ACSM4: variants seen among roughly 807,000 people sequenced by gnomAD.
ACSM4 encodes acyl-coenzyme A synthetase ACSM4, mitochondrial.
Under a neutral mutation model 73.0 loss-of-function variants are expected in ACSM4, and 66 were observed. The observed-to-expected ratio is 0.90, with a 90% CI of 0.74 to 1.11. The LOEUF (loss-of-function observed/expected upper bound fraction) is 1.11. Among genes scored for constraint, ACSM4 ranks in the 50% least tolerant of loss-of-function variants. The pLI, the probability that ACSM4 is intolerant of heterozygous loss-of-function variation, is 0.00. For synonymous variants in ACSM4, 222 were observed against 254.0 expected (o/e 0.87, Z 1.20); for missense variants, 645 against 714.4 (o/e 0.90, Z 1.11).
intron 5 of ACSM4, among the ~76,000 whole-genome samples, chr12:7,318,891 T>TAA (rs1256660294): frequency 1.6e-4 from 25 of 152,194 alleles, no homozygotes; most frequent in African/African-American, 4.8e-5. Flanking sequence ...GACAAGATGG[T>TAA]TTAAGGCAGC....
At chr12:7,309,324 G>A (rs911568250) in intron 2 of ACSM4, among the ~76,000 whole-genome samples, 1 of 152,142 alleles carries the variant, frequency 6.6e-6, no homozygotes, top group Non-Finnish European at 1.5e-5. Context: ...CTCACATTCC[G>A]TCAATGGGCA....
chr12:7,317,101 A>C lies in ACSM4; in HGVS notation c.621-36A>C, dbSNP rs1361083787. 4 of 1,589,074 alleles carry C rather than the reference A, an allele frequency of 2.5e-6. No individual in the cohort carries two copies. In the East Asian group the frequency reaches 6.9e-5, roughly 27 times the overall value. ...AATATCAGAGTCAAACTGGTCTGCC[A>C]TCTTCCACCGCCATCTTGGGGTCCA... On this transcript the variant is annotated intron_variant, in intron 3 of 12. Coordinates refer to ENST00000399422, the MANE Select transcript of ACSM4 (RefSeq NM_001080454.2).
chr12:7,327,831 A>G (rs1326663793), intron 12 of ACSM4, among the ~76,000 whole-genome samples: 1 of 152,214 alleles, frequency 6.6e-6, no homozygotes, highest in Admixed American at 6.5e-5. Flanking sequence ...TTGAGAGAAG[A>G]GAACAAAAAG....
intron 3 of ACSM4, among the ~76,000 whole-genome samples, chr12:7,313,784 G>C (rs117963048): frequency 7.9e-5 from 12 of 152,288 alleles, no homozygotes; most frequent in Non-Finnish European, 1.6e-4. Flanking sequence ...ACTACAGGCA[G>C]TTTGGTTTAG....
At position 7,317,233 on chromosome 12, in the gene ACSM4, C is replaced by A. The variant is rs748549169; in HGVS notation, c.717C>A (p.Ala239=). 4.4e-5 allele frequency: 70 copies of A among 1,601,890 alleles called. No homozygotes were observed. Among genetic ancestry groups the A allele is most frequent in the Admixed American group, 8.6e-5 (5 of 58,032 alleles). ...TSGTTGFPKM[A]QHSQSSLGIG... Reference sequence around the variant, plus strand: ...GGACCACAGGCTTTCCTAAAATGGCCCAGCACTCTCAGAGCAGCCTCGGCA... The same window carrying A: ...GGACCACAGGCTTTCCTAAAATGGCACAGCACTCTCAGAGCAGCCTCGGCA... The change falls in exon 4 of 13, where the codon GCC becomes GCA. Residue 239 remains alanine (A), a synonymous_variant. Coordinates refer to ENST00000399422, the MANE Select transcript of ACSM4 (RefSeq NM_001080454.2).
chr12:7,317,914 C>A, intron 4 of ACSM4, 112 bp from the exon 5 acceptor site: 1 of 1,165,732 alleles, frequency 8.6e-7, no homozygotes, highest in Non-Finnish European at 1.2e-6. Context: ...TTCTTTTGAC[C>A]CTTCTCTGTA....
chr12:7,322,140 C>T (rs779087165), intron 6 of ACSM4, among the ~76,000 whole-genome samples: 17 of 152,280 alleles, frequency 1.1e-4, no homozygotes, highest in Non-Finnish European at 2.2e-4. Context: ...TCATTAATAG[C>T]ATCTTCTCCT....
At chr12:7,317,424 C>T (rs1354038496) in intron 4 of ACSM4, 144 bp downstream of exon 4, 1 of 1,154,292 alleles carries the variant, frequency 8.7e-7, no homozygotes, top group Non-Finnish European at 1.2e-6. Context: ...GCTGGCCCCG[C>T]CCAACCTAGC....
At chr12:7,325,569 C>T (rs1946497639) in intron 11 of ACSM4, among the ~76,000 whole-genome samples, 1 of 152,128 alleles carries the variant, frequency 6.6e-6, no homozygotes, top group Non-Finnish European at 1.5e-5. Context: ...ACTGCTTGAA[C>T]CTGGGAGGCA....
At chr12:7,313,493 C>T (rs1269963451) in intron 3 of ACSM4, among the ~76,000 whole-genome samples, 1 of 152,148 alleles carries the variant, frequency 6.6e-6, no homozygotes, top group Non-Finnish European at 1.5e-5. Flanking sequence ...ATCTTTTATT[C>T]AATAAGTTCA....
At chr12:7,315,887 G>C (rs1283918298) in intron 3 of ACSM4, among the ~76,000 whole-genome samples, 1 of 152,134 alleles carries the variant, frequency 6.6e-6, no homozygotes, top group African/African-American at 2.4e-5. Context: ...AAGCACCTCA[G>C]TTTTCCTGCA....
intron 3 of ACSM4, among the ~76,000 whole-genome samples, chr12:7,316,651 C>T (rs6487861): frequency 0.93 from 142,196 of 152,268 alleles, 66,477 homozygotes; most frequent in African/African-American, 0.96. Flanking sequence ...GGTAAGCAAC[C>T]AGCTGCGTCT....
At position 7,324,523 on chromosome 12, in the gene ACSM4, G is replaced by T; in HGVS notation, c.1461G>T (p.Val487=). 9.9e-6 allele frequency: 16 copies of T among 1,613,974 alleles called. No individual in the cohort carries two copies. The highest frequency in any genetic ancestry group is 1.4e-5 in the Non-Finnish European group (16 of 1,179,870). ...SSGYRIGPFE[V]ESALIEHPAV... is the part of the protein sequence containing the mutation. ...GGTACCGTATTGGGCCATTTGAAGT[G>T]GAGAGTGCACTCATTGAGCATCCAG... is the stretch of plus-strand genomic sequence containing the variant. Residue 487 remains valine, a synonymous_variant, in exon 11 of 13, where the codon GTG becomes GTT. Transcript: ENST00000399422.
intron 3 of ACSM4, among the ~76,000 whole-genome samples, chr12:7,316,544 G>C (rs966274006): frequency 2.0e-5 from 3 of 152,168 alleles, no homozygotes; most frequent in Non-Finnish European, 4.4e-5. Flanking sequence ...ATTTGCCCCA[G>C]CAGCTATACA....
At position 7,310,852 on chromosome 12, in the gene ACSM4, C is replaced by G. The variant is rs138015001; in HGVS notation, c.620+106C>G. The G allele has an allele frequency of 8.7e-4, 1,030 of 1,183,988 alleles. 1 individual carries two copies. Among genetic ancestry groups the G allele is most frequent in the Non-Finnish European group, 1.1e-3 (923 of 843,794 alleles). 73.3% of individuals were successfully genotyped at this position (1,183,988 alleles called of 1,614,324 possible). On this transcript the variant is annotated intron_variant, in intron 3 of 12. Transcript: ENST00000399422. ...GGACTCAGGAACACTGTCAGTTGAT[C>G]TGGGCTCTTACTCAGAAAAGAATTA...
In ACSM4 at chr12:7,328,506, G is replaced by A; in HGVS notation, c.*133G>A. 2 of 672,730 alleles carry A rather than the reference G, an allele frequency of 3.0e-6. No homozygotes were observed. The highest frequency in any genetic ancestry group is 3.0e-5 in the South Asian group (1 of 33,754). The allele number at this position is 672,730 out of a possible 1,614,324, so 41.7% of individuals were successfully genotyped here. On this transcript the variant is annotated 3_prime_UTR_variant, in exon 13 of 13. Coordinates refer to ENST00000399422, the MANE Select transcript of ACSM4 (RefSeq NM_001080454.2). ...TTGAAAACTCAACTGTTGATTTTTT[G>A]GTTTTTACTTAGCTAAAAAGTTTAA...
intron 6 of ACSM4, 47 bp downstream of exon 6, chr12:7,320,851 T>C (rs374132820): frequency 6.8e-7 from 1 of 1,468,352 alleles, no homozygotes; most frequent in Non-Finnish European, 9.5e-7. Context: ...ATAGCTACCA[T>C]CCAGGATCAC....
intron 3 of ACSM4, among the ~76,000 whole-genome samples, chr12:7,315,961 G>A (rs1565753419): frequency 6.6e-6 from 1 of 152,236 alleles, no homozygotes; most frequent in East Asian, 1.9e-4. Flanking sequence ...TTACCCCGCA[G>A]GGAAAATGAA....
Position 7,306,601 on chromosome 12 carries a change from C to T in ACSM4, c.270C>T (p.Ser90=). ...GCAAAGGGGATGAGGTAAAATGGAG[C>T]TTCAGAGAACTGGGCTCCTTGTCCC... ...VNGKGDEVKW[S]FRELGSLSRK... Residue 90 remains serine, a synonymous_variant, in exon 2 of 13, where the codon AGC becomes AGT. Transcript: ENST00000399422. 1 of 1,601,882 alleles carries T rather than the reference C, an allele frequency of 6.2e-7. No homozygotes were observed.
Sources: gnomAD v4.1 joint callset for allele counts (sites outside exome capture counted in the v4.1 genomes callset) on GRCh38, gnomAD v4.1.1 for gene constraint, MANE v1.5 for transcripts, NCBI Gene and HGNC (gene_info 2026-07-23, HGNC 2026-07-21) for gene names.